The following MCM6 variants were observed in gnomAD, a reference collection of about 807,000 sequenced individuals.
The protein encoded by MCM6 is minichromosome maintenance complex component 6, also known as DNA replication licensing factor MCM6.
In MCM6, 46 loss-of-function variants were observed where a neutral mutation model predicts 94.3. That is an observed-to-expected ratio of 0.49 (90% confidence interval 0.39 to 0.62). The LOEUF is 0.62. MCM6 is among the 20% of genes least tolerant of loss of function. MCM6 has a pLI of 0.00. For missense variants in MCM6, 865 were observed against 1,017.9 expected, an observed-to-expected ratio of 0.85 and a Z score of 2.04; for synonymous variants, 335 against 351.9, an observed-to-expected ratio of 0.95 and a Z score of 0.54.
rs1205967825 is a variant in MCM6, at chr2:135,868,712, A to T, written c.514T>A (p.Phe172Ile). The stretch of plus-strand genomic sequence containing the variant: ...CAGATGTTTGGCTGTGTGTATTTGA[A>T]CTGCTGTTCTACATCCCTGATCACT... ...QTVIRDVEQQFKYTQPNICRN... is the reference protein window; with the variant it reads ...QTVIRDVEQQIKYTQPNICRN... Residue 172 changes from phenylalanine (F) to isoleucine (I), a missense_variant, in exon 4 of 17, where the codon TTC becomes ATC. By Grantham distance (21) the Phe-to-Ile change is conservative (BLOSUM62 0). Transcript: ENST00000264156. The T allele has an allele frequency of 6.2e-7, 1 of 1,614,170 alleles. No homozygotes were observed. The highest frequency in any genetic ancestry group is 1.7e-5 in the Admixed American group (1 of 60,018).
Position 135,848,136 on chromosome 2 carries a change from ATGAT to A in MCM6, c.1966_1969del (p.Ile656SerfsTer10). On this transcript the variant is annotated frameshift_variant, in exon 14 of 17. Transcript: ENST00000264156. LOFTEE classifies it high-confidence loss of function. Reference sequence around the variant, plus strand: ...ATTGACATCAGGTGTTTCCACACGGATGATTGATTTATTCAGTAACCGGAAAGCT... The same window carrying A: ...ATTGACATCAGGTGTTTCCACACGGATGATTTATTCAGTAACCGGAAAGCT... 1 of 1,611,552 alleles carries A rather than the reference ATGAT, an allele frequency of 6.2e-7. No homozygotes were observed. The highest frequency in any genetic ancestry group is 8.5e-7 in the Non-Finnish European group (1 of 1,177,700).
chr2:135,842,572 A>T (rs1679595106), intron 16 of MCM6, among the ~76,000 whole-genome samples: 1 of 152,254 alleles, frequency 6.6e-6, no homozygotes, highest in African/African-American at 2.4e-5. Flanking sequence ...CCACTTAAAT[A>T]AAGAATATAC....
At chr2:135,876,236 G>A (rs1319146460) in intron 1 of MCM6, 23 bp downstream of exon 1, 2 of 1,565,280 alleles carry the variant, frequency 1.3e-6, no homozygotes, top group East Asian at 4.8e-5. Context: ...GGCGGGCGAG[G>A]CCCGGGGCGC....
Position 135,868,751 on chromosome 2 carries a change from A to G in MCM6, c.475T>C (p.Leu159=), listed in dbSNP as rs145615059. 6.2e-7 allele frequency: 1 copy of G among 1,614,228 alleles called. No homozygotes were observed. The highest frequency in any genetic ancestry group is 1.3e-5 in the African/African-American group (1 of 75,054). Reference sequence around the variant, plus strand: ...TCCCTGATCACTGTCTGACAGTCCAAGCACAGAAAAGTTCCGCTCACAAGC... The same window carrying G: ...TCCCTGATCACTGTCTGACAGTCCAGGCACAGAAAAGTTCCGCTCACAAGC... The part of the protein sequence containing the change: ...PELVSGTFLC[L]DCQTVIRDVE... Residue 159 remains leucine, a synonymous_variant, in exon 4 of 17, where the codon TTG becomes CTG. Coordinates refer to ENST00000264156, the MANE Select transcript of MCM6 (RefSeq NM_005915.6).
chr2:135,857,481 T>C (rs4988209), intron 10 of MCM6, among the ~76,000 whole-genome samples: 1 of 152,176 alleles, frequency 6.6e-6, no homozygotes, highest in Non-Finnish European at 1.5e-5. Context: ...TTTACAATTG[T>C]GTACTGCTTA....
chr2:135,854,529 CAAAAAAAAAA>C (rs1181597035), intron 11 of MCM6, among the ~76,000 whole-genome samples: 2 of 49,958 alleles, frequency 4.0e-5, no homozygotes, highest in African/African-American at 8.1e-5. Flanking sequence ...GACTCCATCT[CAAAAAAAAAA>C]AAAAAAAAAA....
rs1365888556 is a variant in MCM6 at position 135,868,615 on chromosome 2, T to C, written c.611A>G (p.Gln204Arg). The change falls in exon 4 of 17, where the codon CAA becomes CGA. Residue 204 changes from glutamine (Q) to arginine (R), a missense_variant. By Grantham distance (43) the Gln-to-Arg change is conservative (BLOSUM62 1). Coordinates refer to ENST00000264156, the MANE Select transcript of MCM6 (RefSeq NM_005915.6). ...DTNKSRFVDF[Q>R]KVRIQETQAE... ...AAACAGATGTTAAATAAATACCTTT[T>C]GAAAATCAACAAATCTTGATTTATT... 3 of 1,613,880 alleles carry C rather than the reference T, an allele frequency of 1.9e-6. No individual in the cohort carries two copies. The African/African-American group carries it at 4.0e-5, about 22-fold the overall frequency.
In MCM6 at chr2:135,856,869, G is replaced by C; in HGVS notation, c.1485C>G (p.Ala495=). ...TTGCTGCTGCCAAAATGGACGTCCG[G>C]GCGTTCAGAGTAGCCTGACCACAAA... ...TKAGVKATLN[A]RTSILAAANP... The change falls in exon 11 of 17, where the codon GCC becomes GCG. Residue 495 remains alanine, a synonymous_variant. Transcript: ENST00000264156. The C allele has an allele frequency of 6.2e-7, 1 of 1,613,740 alleles. No individual in the cohort carries two copies. Among genetic ancestry groups the C allele is most frequent in the Non-Finnish European group, 8.5e-7 (1 of 1,179,810 alleles).
chr2:135,874,828 C>G (rs1680266613), intron 1 of MCM6, among the ~76,000 whole-genome samples: 1 of 152,162 alleles, frequency 6.6e-6, no homozygotes, highest in African/African-American at 2.4e-5. Flanking sequence ...TGTGTACAGA[C>G]AATGTTATTT....
intron 9 of MCM6, among the ~76,000 whole-genome samples, chr2:135,858,529 C>T (rs1486882796): frequency 6.6e-6 from 1 of 152,066 alleles, no homozygotes; most frequent in Non-Finnish European, 1.5e-5. Context: ...TACAAGTAAA[C>T]TCACAAAGTC....
chr2:135,863,033 A>G (rs1680025498), intron 7 of MCM6, among the ~76,000 whole-genome samples: 1 of 152,190 alleles, frequency 6.6e-6, no homozygotes, highest in Admixed American at 6.5e-5. Context: ...CTTCCTACAC[A>G]AAACCTTACC....
intron 1 of MCM6, among the ~76,000 whole-genome samples, chr2:135,875,650 AGAAAG>A (rs1358609551): frequency 6.6e-6 from 1 of 152,148 alleles, no homozygotes; most frequent in East Asian, 1.9e-4. Context: ...AGAAGAGTAG[AGAAAG>A]GAAAGGAAGG....
At chr2:135,853,467 A>T (rs898654532) in intron 11 of MCM6, among the ~76,000 whole-genome samples, 12 of 152,162 alleles carry the variant, frequency 7.9e-5, no homozygotes, top group Admixed American at 5.2e-4. Context: ...CAAAAATAGC[A>T]GAACTAACAT....
intron 11 of MCM6, 66 bp from the exon 12 acceptor site, chr2:135,852,981 A>G (rs1679805383): frequency 9.2e-6 from 13 of 1,407,498 alleles, no homozygotes; most frequent in South Asian, 2.9e-5. Flanking sequence ...ATCCCAGGCA[A>G]TAAGAAATGA....
At chr2:135,864,447 A>T (rs1180967629) in intron 7 of MCM6, among the ~76,000 whole-genome samples, 1 of 152,138 alleles carries the variant, frequency 6.6e-6, no homozygotes, top group Non-Finnish European at 1.5e-5. Context: ...CCTAGACAAC[A>T]TAGCAAAACC....
intron 1 of MCM6, among the ~76,000 whole-genome samples, chr2:135,874,817 ATG>A (rs1208731041): frequency 6.6e-6 from 1 of 152,230 alleles, no homozygotes; most frequent in African/African-American, 2.4e-5. Flanking sequence ...GGGATACTCA[ATG>A]TGTACAGACA....
At position 135,862,690 on chromosome 2, in the gene MCM6, T is replaced by C. The variant is rs1680018341; in HGVS notation, c.1137A>G (p.Thr379=). ...LLMLFGGVPK[T]TGEGTSLRGD... ...CTCGAAGAGAGGTCCCTTCTCCTGT[T>C]GTCTTTGGAACGCCACCAAAGAGCA... is the stretch of plus-strand genomic sequence containing the variant. Residue 379 remains threonine (T), a synonymous_variant, in exon 8 of 17, where the codon ACA becomes ACG. Transcript: ENST00000264156. 6.2e-7 allele frequency: 1 copy of C among 1,614,204 alleles called. No homozygotes were observed. Among genetic ancestry groups the C allele is most frequent in the East Asian group, 2.2e-5 (1 of 44,890 alleles).
rs143303336 is a variant in MCM6, at chr2:135,851,306, T to C, written c.1917+96A>G. The C allele has an allele frequency of 1.9e-5, 17 of 914,520 alleles. No individual in the cohort carries two copies. In the African/African-American group the frequency reaches 2.3e-4, roughly 12 times the overall value. 56.7% of individuals were successfully genotyped at this position (914,520 alleles called of 1,614,324 possible). A position where few individuals can be genotyped will look rare whatever the true frequency, so the allele number is the denominator to read the frequency against. On this transcript the variant is annotated intron_variant, in intron 13 of 16. Coordinates refer to ENST00000264156, the MANE Select transcript of MCM6 (RefSeq NM_005915.6). ...CATTCAACAGTTACATAAAAATGTA[T>C]TTGCAGTGAATTCTAGTATGTCCCA...
In MCM6 at chr2:135,851,514, C is replaced by T. The variant is rs184578188; in HGVS notation, c.1805G>A (p.Arg602His). 5.0e-6 allele frequency: 8 copies of T among 1,612,974 alleles called. No individual in the cohort carries two copies. Among genetic ancestry groups the T allele is most frequent in the East Asian group, 2.2e-5 (1 of 44,868 alleles). Residue 602 changes from arginine (R) to histidine (H), a missense_variant, in exon 13 of 17, where the codon CGC becomes CAC. This residue lies in a region of MCM6 where 308 missense variants were observed against 324.5 expected (regional missense o/e 0.95). Coordinates refer to ENST00000264156, the MANE Select transcript of MCM6 (RefSeq NM_005915.6). ...GGTCACTCCAGAACCATCTCTCTGG[C>T]GGAGATGTTTATATTGCTCCACAAT... ...DFIVEQYKHL[R>H]QRDGSGVTKS...
Sources: gnomAD v4.1 joint callset for allele counts (sites outside exome capture counted in the v4.1 genomes callset) on GRCh38, gnomAD v4.1.1 for gene constraint, gnomAD v4.1.1 regional missense constraint, MANE v1.5 for transcripts, NCBI Gene and HGNC (gene_info 2026-07-23, HGNC 2026-07-21) for gene names.